The following FAM83B variants were observed in gnomAD, a reference collection of about 807,000 sequenced individuals.
FAM83B encodes scaffolding CK1 anchoring protein B.
FAM83B carries 26 observed loss-of-function variants against 38.8 expected under a neutral mutation model. The observed-to-expected ratio is 0.67, with a 90% CI of 0.49 to 0.93. The LOEUF is 0.93. Among genes scored for constraint, FAM83B ranks in the 40% least tolerant of loss-of-function variants. FAM83B has a pLI of 0.00. For synonymous variants in FAM83B, 419 were observed against 423.1 expected (o/e 0.99, Z 0.12); for missense variants, 1,237 against 1,197.3 (o/e 1.03, Z -0.49).
chr6:54,908,514 C>T (rs569606639), intron 2 of FAM83B, among the ~76,000 whole-genome samples: 13 of 152,014 alleles, frequency 8.6e-5, no homozygotes, highest in South Asian at 2.1e-4. Flanking sequence ...TTTCTAATTT[C>T]TAAATTAAAA....
intron 2 of FAM83B, among the ~76,000 whole-genome samples, chr6:54,907,312 A>G (rs1372455328): frequency 6.6e-6 from 1 of 152,118 alleles, no homozygotes; most frequent in African/African-American, 2.4e-5. Context: ...AGATTGTTTT[A>G]TTTACATATC....
chr6:54,883,481 T>G (rs1397611822), intron 2 of FAM83B, among the ~76,000 whole-genome samples: 1 of 151,592 alleles, frequency 6.6e-6, no homozygotes, highest in East Asian at 2.0e-4. Context: ...ATTACAGGCA[T>G]GTACCACCAT....
At chr6:54,849,668 T>C (rs1455469174) in intron 1 of FAM83B, among the ~76,000 whole-genome samples, 4 of 151,748 alleles carry the variant, frequency 2.6e-5, no homozygotes, top group African/African-American at 9.7e-5. Flanking sequence ...TCATGAACGG[T>C]AGGAAACTTT....
chr6:54,931,685 A>G (rs1773422580), intron 4 of FAM83B, among the ~76,000 whole-genome samples: 1 of 151,770 alleles, frequency 6.6e-6, no homozygotes, highest in South Asian at 2.1e-4. Context: ...TAGCTTATGT[A>G]TGTCCTTAGA....
At chr6:54,907,093 G>T (rs1394106609) in intron 2 of FAM83B, among the ~76,000 whole-genome samples, 1 of 152,112 alleles carries the variant, frequency 6.6e-6, no homozygotes, top group Non-Finnish European at 1.5e-5. Flanking sequence ...TTTAATACGT[G>T]CTATGCATCC....
At chr6:54,912,332 C>G (rs1300454189) in intron 2 of FAM83B, among the ~76,000 whole-genome samples, 2 of 150,754 alleles carry the variant, frequency 1.3e-5, no homozygotes, top group Non-Finnish European at 3.0e-5. Flanking sequence ...TAAACAGAAG[C>G]AACCTTCCAA....
At chr6:54,937,876 C>T (rs887702035) in intron 4 of FAM83B, among the ~76,000 whole-genome samples, 1 of 151,712 alleles carries the variant, frequency 6.6e-6, no homozygotes, top group African/African-American at 2.4e-5. Context: ...TTTTTTTTAA[C>T]ATTCTATTTT....
rs550134000 is a variant in FAM83B at position 54,944,068 on chromosome 6, T to C, written c.*2061T>C. On this transcript the variant is annotated 3_prime_UTR_variant, in exon 5 of 5. Transcript: ENST00000306858. ...TTTTCTCTGCGTTTTTTAAAAATTGTTTTTCTTGTATCTTTTTTCTTCAAA... is the reference window on the plus strand; with the variant it reads ...TTTTCTCTGCGTTTTTTAAAAATTGCTTTTCTTGTATCTTTTTTCTTCAAA... The C allele has an allele frequency of 1.2e-4, 19 of 152,314 alleles. No individual in the cohort carries two copies. Among genetic ancestry groups the C allele is most frequent in the Middle Eastern group, 3.4e-3 (1 of 294 alleles). The allele number at this position is 152,314 out of a possible 1,614,324, so 9.4% of individuals were successfully genotyped here. A position where few individuals can be genotyped will look rare whatever the true frequency, so the allele number is the denominator to read the frequency against.
At chr6:54,897,613 T>C (rs368032055) in intron 2 of FAM83B, among the ~76,000 whole-genome samples, 1 of 152,158 alleles carries the variant, frequency 6.6e-6, no homozygotes, top group East Asian at 1.9e-4. Flanking sequence ...TTTAATCTCT[T>C]ATTGGGTAGA....
intron 2 of FAM83B, among the ~76,000 whole-genome samples, chr6:54,925,199 C>T (rs1296842183): frequency 6.6e-6 from 1 of 152,156 alleles, no homozygotes; most frequent in African/African-American, 2.4e-5. Flanking sequence ...CTCAGAGAGA[C>T]CTTCCCCGAA....
At position 54,891,386 on chromosome 6, in the gene FAM83B, G is replaced by T. The variant is rs111385348; in HGVS notation, c.444+20696G>T. On this transcript the variant is annotated intron_variant, in intron 2 of 4. Transcript: ENST00000306858. Reference sequence around the variant, plus strand: ...TTATTTCTCTTTTTGTTCTTTCCCTGTCTCTTCAACTGTTGTTTCTTGATT... The same window carrying T: ...TTATTTCTCTTTTTGTTCTTTCCCTTTCTCTTCAACTGTTGTTTCTTGATT... Among the ~76,000 whole-genome samples, 16 of 152,052 alleles carry T rather than the reference G, an allele frequency of 1.1e-4. 3 individuals carry two copies. Among genetic ancestry groups the T allele is most frequent in the African/African-American group, 3.6e-4 (15 of 41,488 alleles).
intron 2 of FAM83B, among the ~76,000 whole-genome samples, chr6:54,923,955 A>C (rs1581924142): frequency 6.9e-6 from 1 of 145,952 alleles, no homozygotes; most frequent in African/African-American, 2.5e-5. Flanking sequence ...TCTCCACCTC[A>C]CCTCCCACCT....
At position 54,941,592 on chromosome 6, in the gene FAM83B, A is replaced by C; in HGVS notation, c.2621A>C (p.Glu874Ala). The C allele has an allele frequency of 6.2e-7, 1 of 1,614,100 alleles. No homozygotes were observed. The highest frequency in any genetic ancestry group is 8.5e-7 in the Non-Finnish European group (1 of 1,180,022). ...AGAACACCTTCTCCAGGTCCAGTTG[A>C]AAGCAAGTTCTTGGAAAGGGCAGGA... The part of the protein sequence containing the change: ...NKRTPSPGPV[E>A]SKFLERAGDA... Residue 874 changes from glutamate (E) to alanine (A), a missense_variant, in exon 5 of 5, where the codon GAA (glutamate) becomes GCA (alanine). By Grantham distance (107) the Glu-to-Ala change is moderately radical (BLOSUM62 -1). Coordinates refer to ENST00000306858, the MANE Select transcript of FAM83B (RefSeq NM_001010872.3).
rs1213752300 is a variant in FAM83B at position 54,943,803 on chromosome 6, A to C, written c.*1796A>C. On this transcript the variant is annotated 3_prime_UTR_variant, in exon 5 of 5. Transcript: ENST00000306858. Reference sequence around the variant, plus strand: ...AATGGAAAGCCCTGAAATTTAGTGCAATGTAACTTTAAAACTGAAATTATA... The same window carrying C: ...AATGGAAAGCCCTGAAATTTAGTGCCATGTAACTTTAAAACTGAAATTATA... The C allele has an allele frequency of 6.6e-6, 1 of 152,198 alleles. No individual in the cohort carries two copies. The highest frequency in any genetic ancestry group is 2.4e-5 in the African/African-American group (1 of 41,450). 9.4% of individuals were successfully genotyped at this position (152,198 alleles called of 1,614,324 possible). A position where few individuals can be genotyped will look rare whatever the true frequency, so the allele number is the denominator to read the frequency against.
chr6:54,893,271 A>G (rs2746441), intron 2 of FAM83B, among the ~76,000 whole-genome samples: 10,930 of 152,204 alleles, frequency 0.072, 495 homozygotes, highest in African/African-American at 0.11. Context: ...GAGGAGATCT[A>G]GTCTCTATTA....
rs796257946 is a variant in FAM83B, at chr6:54,860,901, A to G, written c.-60-9286A>G. ...TGTACATGTTCACAGCATGTTAACC[A>G]CAGACCTCCCTGAGCGCTGACTCAT... On this transcript the variant is annotated intron_variant, in intron 1 of 4. Coordinates refer to ENST00000306858, the MANE Select transcript of FAM83B (RefSeq NM_001010872.3). Among the ~76,000 whole-genome samples the G allele has an allele frequency of 2.6e-5, 4 of 152,196 alleles. No individual in the cohort carries two copies. In the East Asian group the frequency reaches 5.8e-4, roughly 22 times the overall value.
At chr6:54,870,096 G>A in intron 1 of FAM83B, 91 bp from the exon 2 acceptor site, 1 of 613,310 alleles carries the variant, frequency 1.6e-6, no homozygotes, top group Non-Finnish European at 2.8e-6. Flanking sequence ...ATGGAAATGT[G>A]TAAATGAAAA....
At chr6:54,846,439 C>T (rs543726110), upstream of FAM83B, among the ~76,000 whole-genome samples, 1 of 152,334 alleles carries the variant, frequency 6.6e-6, no homozygotes, top group South Asian at 2.1e-4. Context: ...CGCTCCTCGC[C>T]CCAGACCAGG....
chr6:54,919,921 C>A (rs1773133349), intron 2 of FAM83B, among the ~76,000 whole-genome samples: 1 of 151,934 alleles, frequency 6.6e-6, no homozygotes, highest in African/African-American at 2.4e-5. Context: ...GACTCAAAGT[C>A]ATTTCAGTAA....
Sources: gnomAD v4.1 joint callset for allele counts (sites outside exome capture counted in the v4.1 genomes callset) on GRCh38, gnomAD v4.1.1 for gene constraint, MANE v1.5 for transcripts, NCBI Gene and HGNC (gene_info 2026-07-23, HGNC 2026-07-21) for gene names.